EHMT1: variants seen among roughly 807,000 people sequenced by gnomAD.
EHMT1 encodes the protein histone-lysine N-methyltransferase EHMT1.
In EHMT1, 15 loss-of-function variants were observed where a neutral mutation model predicts 147.2. That is an observed-to-expected ratio of 0.10 (90% CI 0.07 to 0.16). The LOEUF is 0.16. Ranked by LOEUF, EHMT1 falls within the 10% of genes least tolerant of loss-of-function variation. EHMT1 has a pLI of 1.00. For synonymous variants in EHMT1, 795 were observed against 709.6 expected (o/e 1.12, Z -1.91); for missense variants, 1,587 against 1,772.4 (o/e 0.90, Z 1.88).
chr9:137,620,492 T>C (rs1409259759), intron 1 of EHMT1, among the ~76,000 whole-genome samples: 6 of 152,222 alleles, frequency 3.9e-5, no homozygotes, highest in Admixed American at 2.0e-4. Context: ...CACTGCTCAC[T>C]GCAGCTTCGA....
intron 1 of EHMT1, among the ~76,000 whole-genome samples, chr9:137,624,813 G>T (rs1484180634): frequency 2.6e-5 from 4 of 151,870 alleles, no homozygotes; most frequent in Non-Finnish European, 4.4e-5. Context: ...GCCCAGGCTG[G>T]TCTTGAACTC....
chr9:137,697,478 A>G (rs551640722), intron 1 of EHMT1, among the ~76,000 whole-genome samples: 1 of 152,266 alleles, frequency 6.6e-6, no homozygotes, highest in African/African-American at 2.4e-5. Context: ...CATACAGTTT[A>G]CCTAGCATAC....
In EHMT1 at chr9:137,671,658, T is replaced by G. The variant is rs573256752; in HGVS notation, c.22-39309T>G. ...TCCCACCACAGCCTCTCAGGTAGCT[T>G]GGACTACAGGCGTGTGCCACCATGC... On this transcript the variant is annotated intron_variant, in intron 1 of 26. Transcript: ENST00000460843. Among the ~76,000 whole-genome samples the G allele has an allele frequency of 1.1e-4, 17 of 152,016 alleles. No individual in the cohort carries two copies. The East Asian group carries it at 3.3e-3, about 29-fold the overall frequency.
At chr9:137,643,595 A>C (rs540293612) in intron 1 of EHMT1, among the ~76,000 whole-genome samples, 23 of 151,932 alleles carry the variant, frequency 1.5e-4, no homozygotes, top group Admixed American at 1.2e-3. Context: ...TGATCTGCCC[A>C]CCTTGGCCTC....
Position 137,793,033 on chromosome 9 carries a change from C to T in EHMT1, c.2505+2063C>T, listed in dbSNP as rs560214486. 7.9e-5 allele frequency among the ~76,000 whole-genome samples: 12 copies of T among 152,164 alleles called. No homozygotes were observed. The Middle Eastern group carries it at 0.01, about 129-fold the overall frequency. ...GCGCGGCAAAGCAGCTCCCTCAGTA[C>T]GATCTGTTGAAAGTCAGCCCCCGAT... On this transcript the variant is annotated intron_variant, in intron 16 of 26. Transcript: ENST00000460843.
intron 4 of EHMT1, 151 bp downstream of exon 4, chr9:137,728,680 T>C (rs1438221577): frequency 1.0e-6 from 1 of 1,000,516 alleles, no homozygotes; most frequent in East Asian, 2.5e-5. Context: ...CTCGCCTGTA[T>C]GCCTGAGGAG....
At chr9:137,638,982 A>C (rs1188061242) in intron 1 of EHMT1, among the ~76,000 whole-genome samples, 8 of 152,198 alleles carry the variant, frequency 5.3e-5, no homozygotes, top group Admixed American at 5.2e-4. Flanking sequence ...TCGAGACCAT[A>C]CATTTCTATT....
chr9:137,834,538 C>T lies in EHMT1; in HGVS notation c.3716+14C>T. ...CGAGCAGCTCGGGTACGCACCGCCC[C>T]GGCCCCTGGCCATCTCCGCTGCCGG... On this transcript the variant is annotated intron_variant, in intron 26 of 26. Transcript: ENST00000460843. 5.6e-6 allele frequency: 9 copies of T among 1,608,948 alleles called. No homozygotes were observed. Among genetic ancestry groups the T allele is most frequent in the Non-Finnish European group, 7.6e-6 (9 of 1,179,384 alleles).
intron 2 of EHMT1, 96 bp from the exon 3 acceptor site, chr9:137,716,529 GT>G: frequency 1.9e-6 from 2 of 1,075,690 alleles, no homozygotes; most frequent in East Asian, 2.4e-5. Flanking sequence ...GGGGGAGGAA[GT>G]TGTGGTGGTG....
intron 1 of EHMT1, among the ~76,000 whole-genome samples, chr9:137,662,075 T>C (rs998581074): frequency 2.0e-5 from 3 of 152,356 alleles, no homozygotes; most frequent in Middle Eastern, 3.4e-3. Flanking sequence ...GTGCTGGGAT[T>C]ACAGGCATGA....
Position 137,731,896 on chromosome 9 carries a change from G to T in EHMT1, c.823+3367G>T. Among the ~76,000 whole-genome samples the T allele has an allele frequency of 6.6e-6, 1 of 152,220 alleles. No homozygotes were observed. Among genetic ancestry groups the T allele is most frequent in the East Asian group, 1.9e-4 (1 of 5,200 alleles). ...GGCTCTGGCTCTGTGCAGAGCTGTGGCTGGATGAGGCATACCACAAGCAGT... is the reference window on the plus strand; with the variant it reads ...GGCTCTGGCTCTGTGCAGAGCTGTGTCTGGATGAGGCATACCACAAGCAGT... On this transcript the variant is annotated intron_variant, in intron 4 of 26. Coordinates refer to ENST00000460843, the MANE Select transcript of EHMT1 (RefSeq NM_024757.5). The surrounding 1 kb of genome is among the most constrained non-coding windows in gnomAD (Gnocchi z 4.3).
intron 1 of EHMT1, among the ~76,000 whole-genome samples, chr9:137,644,007 T>C (rs1267577274): frequency 6.6e-6 from 1 of 152,050 alleles, no homozygotes; most frequent in Non-Finnish European, 1.5e-5. Context: ...GCAGTTGCAG[T>C]GTGGATTAAA....
At chr9:137,812,704 G>A (rs1954594789) in intron 19 of EHMT1, among the ~76,000 whole-genome samples, 2 of 152,226 alleles carry the variant, frequency 1.3e-5, no homozygotes, top group South Asian at 4.1e-4. Context: ...TATCCTTGAG[G>A]GTAAATTTGA....
intron 8 of EHMT1, among the ~76,000 whole-genome samples, chr9:137,757,383 C>T (rs1052283426): frequency 7.2e-5 from 11 of 152,352 alleles, no homozygotes; most frequent in Middle Eastern, 3.4e-3. Flanking sequence ...TCAGCCAGGA[C>T]GCCCGGGAGG....
chr9:137,669,572 TCCACCCACTGTCTAC>T, intron 1 of EHMT1, among the ~76,000 whole-genome samples: 1 of 150,752 alleles, frequency 6.6e-6, no homozygotes, highest in Admixed American at 6.6e-5. Flanking sequence ...ACTCACCGAC[TCCACCCACTGTCTAC>T]CCAGGGCGCA....
chr9:137,784,245 C>G, intron 15 of EHMT1: 1 of 1,532,500 alleles, frequency 6.5e-7, no homozygotes, highest in Non-Finnish European at 8.8e-7. Flanking sequence ...ACCAGGCCGC[C>G]CACAGGGAGC....
chr9:137,619,972 AGT>A (rs1842854385), intron 1 of EHMT1: 1 of 152,228 alleles, frequency 6.6e-6, no homozygotes, highest in Non-Finnish European at 1.5e-5. Context: ...TTAACTGTCT[AGT>A]AACAGTTGAG....
chr9:137,804,094 C>G (rs1187016369), intron 18 of EHMT1, among the ~76,000 whole-genome samples: 1 of 152,096 alleles, frequency 6.6e-6, no homozygotes, highest in Non-Finnish European at 1.5e-5. Context: ...GAGCATTGTA[C>G]CACACTTTAA....
At chr9:137,807,050 T>C (rs1954007767) in intron 18 of EHMT1, among the ~76,000 whole-genome samples, 1 of 152,268 alleles carries the variant, frequency 6.6e-6, no homozygotes, top group Non-Finnish European at 1.5e-5. Context: ...TTATTTTGTG[T>C]GTGTGCACGT....
Sources: gnomAD v4.1 joint callset for allele counts (sites outside exome capture counted in the v4.1 genomes callset) on GRCh38, gnomAD v4.1.1 for gene constraint, Gnocchi (gnomAD v3.1) non-coding constraint, MANE v1.5 for transcripts, NCBI Gene and HGNC (gene_info 2026-07-23, HGNC 2026-07-21) for gene names.